NAV3: variants seen among roughly 807,000 people sequenced by gnomAD.
The protein encoded by NAV3 is neuron navigator 3.
Under a neutral mutation model 244.7 loss-of-function variants are expected in NAV3, and 87 were observed. The ratio of observed to expected loss-of-function variants is 0.36; its 90% CI spans 0.30 to 0.42. The LOEUF is 0.42. NAV3 is among the 20% of genes least tolerant of loss of function. NAV3 has a pLI of 1.00. For missense variants in NAV3, 2,663 were observed against 2,893.3 expected (o/e 0.92, Z 1.83); for synonymous variants, 1,126 against 1,042.2 (o/e 1.08, Z -1.55).
intron 2 of NAV3, among the ~76,000 whole-genome samples, chr12:77,739,174 C>T (rs180902032): frequency 2.6e-5 from 4 of 151,776 alleles, no homozygotes; most frequent in African/African-American, 9.7e-5. Flanking sequence ...GCATGTATCT[C>T]AAAGAGTTGT....
rs574972869 is a variant in NAV3 at position 77,676,096 on chromosome 12, T to A, written c.72+103830T>A. On this transcript the variant is annotated intron_variant, in intron 2 of 8. Transcript: ENST00000550042. Reference sequence around the variant, plus strand: ...TAGCTTTTTTTTTTAAATTTTTTTTTATTTTAAGTTCTAGGATACATGTGC... The same window carrying A: ...TAGCTTTTTTTTTTAAATTTTTTTTAATTTTAAGTTCTAGGATACATGTGC... Among the ~76,000 whole-genome samples the A allele has an allele frequency of 2.1e-3, 327 of 152,262 alleles. 2 individuals carry two copies. The highest frequency in any genetic ancestry group is 7.5e-3 in the African/African-American group (311 of 41,552).
chr12:78,067,931 G>T (rs1354283521), intron 12 of NAV3, among the ~76,000 whole-genome samples: 1 of 151,788 alleles, frequency 6.6e-6, no homozygotes. Context: ...TATGAGGATG[G>T]TAAACATATT....
At chr12:77,884,394 A>C (rs186723465) in intron 1 of NAV3, among the ~76,000 whole-genome samples, 1 of 152,198 alleles carries the variant, frequency 6.6e-6, no homozygotes. Flanking sequence ...GCTCAAAGAT[A>C]CTGGTAGTGT....
intron 12 of NAV3, among the ~76,000 whole-genome samples, chr12:78,112,741 G>A (rs185899172): frequency 1.9e-4 from 29 of 152,130 alleles, no homozygotes; most frequent in African/African-American, 5.3e-4. Context: ...TTCCACCTCT[G>A]ACCCCTCCCA....
rs190393228 is a variant in NAV3, at chr12:77,736,946, G to A, written c.72+164680G>A. Among the ~76,000 whole-genome samples, 164 of 152,186 alleles carry A rather than the reference G, an allele frequency of 1.1e-3. 1 individual carries two copies. The highest frequency in any genetic ancestry group is 3.2e-3 in the African/African-American group (134 of 41,516). ...ATGAGATCAATTCAACAGTAGTGCC[G>A]TAATTGAGATGAGAAATGATTTGAG... On this transcript the variant is annotated intron_variant, in intron 2 of 8. Transcript: ENST00000550042.
chr12:77,699,144 G>A (rs1875446486), intron 2 of NAV3, among the ~76,000 whole-genome samples: 1 of 152,052 alleles, frequency 6.6e-6, no homozygotes. Flanking sequence ...TTCATTTCAT[G>A]CCTAAGAATC....
At chr12:77,706,993 C>T (rs1875846220) in intron 2 of NAV3, among the ~76,000 whole-genome samples, 1 of 150,574 alleles carries the variant, frequency 6.6e-6, no homozygotes, top group African/African-American at 2.4e-5. Flanking sequence ...TTTCCTTTCT[C>T]TTGTCTACCT....
At chr12:78,051,879 T>C (rs1490361626) in intron 11 of NAV3, among the ~76,000 whole-genome samples, 1 of 152,234 alleles carries the variant, frequency 6.6e-6, no homozygotes, top group South Asian at 2.1e-4. Context: ...GATATTGTTT[T>C]ACTTTTCCTT....
At chr12:77,734,816 A>G (rs533820647) in intron 2 of NAV3, among the ~76,000 whole-genome samples, 39 of 152,268 alleles carry the variant, frequency 2.6e-4, no homozygotes, top group African/African-American at 9.1e-4. Flanking sequence ...GTTAACCTTG[A>G]CCAGTTTCTT....
intron 1 of NAV3, among the ~76,000 whole-genome samples, chr12:77,854,995 C>T (rs909585846): frequency 3.9e-5 from 6 of 152,082 alleles, no homozygotes; most frequent in Admixed American, 3.3e-4. Context: ...GGCGTGGTGG[C>T]GGGCGCCTGT....
At chr12:77,771,798 A>T (rs937372997) in intron 2 of NAV3, among the ~76,000 whole-genome samples, 3 of 152,116 alleles carry the variant, frequency 2.0e-5, no homozygotes, top group African/African-American at 7.2e-5. Flanking sequence ...GCATTAGGAG[A>T]TATACCTAAT....
chr12:77,985,513 G>A (rs1015207372), intron 5 of NAV3, among the ~76,000 whole-genome samples: 1 of 151,778 alleles, frequency 6.6e-6, no homozygotes, highest in Non-Finnish European at 1.5e-5. Flanking sequence ...ATACTCTAAA[G>A]GTGGGATTAG....
chr12:78,200,439 C>A, intron 37 of NAV3, 34 bp from the exon 38 acceptor site: 2 of 1,297,160 alleles, frequency 1.5e-6, no homozygotes, highest in Non-Finnish European at 1.1e-6. Context: ...TTAAATATAA[C>A]TCTTAAAATA....
At chr12:78,099,484 ATT>A (rs2138181953) in intron 12 of NAV3, among the ~76,000 whole-genome samples, 1 of 151,898 alleles carries the variant, frequency 6.6e-6, no homozygotes, top group Non-Finnish European at 1.5e-5. Context: ...CCTTTTATGT[ATT>A]TCTGCACTGC....
At chr12:77,886,200 A>G (rs1382274389) in intron 1 of NAV3, among the ~76,000 whole-genome samples, 2 of 152,138 alleles carry the variant, frequency 1.3e-5, no homozygotes, top group East Asian at 1.9e-4. Flanking sequence ...TAAGCACTAC[A>G]TGGCATATAA....
intron 2 of NAV3, among the ~76,000 whole-genome samples, chr12:77,724,807 G>T (rs1226145669): frequency 1.3e-5 from 2 of 151,894 alleles, no homozygotes; most frequent in Non-Finnish European, 2.9e-5. Context: ...TGTAATTGAA[G>T]ATACTGTATA....
rs746383596 is a variant in NAV3 at position 78,188,354 on chromosome 12, C to A, written c.5886+11C>A. On this transcript the variant is annotated intron_variant, in intron 32 of 39. Transcript: ENST00000397909. The stretch of plus-strand genomic sequence containing the variant: ...AGACGTCTCTTTAAGGTATGTTGTG[C>A]AAGACACCCTAATAGTACTTTTCAA... The A allele has an allele frequency of 6.3e-7, 1 of 1,589,652 alleles. No individual in the cohort carries two copies. Among genetic ancestry groups the A allele is most frequent in the African/African-American group, 1.3e-5 (1 of 74,346 alleles).
At chr12:77,995,007 T>C (rs1872117811) in intron 6 of NAV3, 136 bp downstream of exon 6, 1 of 581,732 alleles carries the variant, frequency 1.7e-6, no homozygotes, top group African/African-American at 1.9e-5. Context: ...TCCAGGAAGA[T>C]TTTCACACAT....
In NAV3 at chr12:78,021,821, C is replaced by T. The variant is rs1335504706; in HGVS notation, c.1982C>T (p.Ser661Leu). 6 of 1,610,922 alleles carry T rather than the reference C, an allele frequency of 3.7e-6. No homozygotes were observed. In the African/African-American group the frequency reaches 4.0e-5, roughly 11 times the overall value. ...ACCAGTCCTACAAAGATGGACTTAT[C>T]ATATAGTAAGACTGCTAAGCAGTGC... The part of the protein sequence containing the change: ...SCTSPTKMDL[S>L]YSKTAKQCLE... Residue 661 changes from serine (S) to leucine (L), a missense_variant, in exon 9 of 40, where the codon TCA (serine) becomes TTA (leucine). Ser to Leu is a moderately radical substitution (Grantham distance 145). Around this residue, in one of 6 missense-constraint regions of NAV3, gnomAD observed 1,521 missense variants for 1,497.0 expected, o/e 1.02. Coordinates refer to ENST00000397909, the MANE Select transcript of NAV3 (RefSeq NM_001024383.2).
Sources: gnomAD v4.1 joint callset for allele counts (sites outside exome capture counted in the v4.1 genomes callset) on GRCh38, gnomAD v4.1.1 for gene constraint, gnomAD v4.1.1 regional missense constraint, MANE v1.5 for transcripts, NCBI Gene and HGNC (gene_info 2026-07-23, HGNC 2026-07-21) for gene names.